PDCD6IP: variants seen among roughly 807,000 people sequenced by gnomAD.
PDCD6IP encodes the protein programmed cell death 6-interacting protein.
A neutral mutation model predicts 103.7 loss-of-function variants in PDCD6IP; 43 were observed. That is an observed-to-expected ratio of 0.41 (90% confidence interval 0.32 to 0.53). PDCD6IP has a LOEUF of 0.53. Among genes scored for constraint, PDCD6IP ranks in the 20% least tolerant of loss-of-function variants. The pLI is 0.16. For synonymous variants in PDCD6IP, 354 were observed against 378.7 expected (o/e 0.93, Z 0.76); for missense variants, 871 against 1,036.7 (o/e 0.84, Z 2.20).
chr3:33,829,674 A>G (rs539382084), intron 7 of PDCD6IP, among the ~76,000 whole-genome samples: 2 of 152,296 alleles, frequency 1.3e-5, no homozygotes, highest in African/African-American at 4.8e-5. Flanking sequence ...TAGACAGAGG[A>G]TAGAAAGATG....
Position 33,865,322 on chromosome 3 carries a change from C to T in PDCD6IP, c.2324C>T (p.Ser775Phe). ...ANRAPSATAP[S>F]PVGAGTAAPA... is the part of the protein sequence containing the mutation. ...CGAGCTCCTTCTGCTACTGCTCCAT[C>T]TCCAGTGGGGGCTGGGACTGCTGCG... The change falls in exon 17 of 18, where the codon TCT becomes TTT. Residue 775 changes from serine to phenylalanine, a missense_variant. Ser to Phe is a radical substitution (Grantham distance 155). This residue lies in a region of PDCD6IP where 202 missense variants were observed against 205.2 expected (regional missense o/e 0.98). Transcript: ENST00000307296. The T allele has an allele frequency of 6.3e-7, 1 of 1,596,066 alleles. No individual in the cohort carries two copies. Among genetic ancestry groups the T allele is most frequent in the South Asian group, 1.1e-5 (1 of 88,388 alleles).
intron 5 of PDCD6IP, among the ~76,000 whole-genome samples, chr3:33,825,938 A>G (rs558819361): frequency 6.6e-6 from 1 of 152,288 alleles, no homozygotes; most frequent in Non-Finnish European, 1.5e-5. Flanking sequence ...AAATGACAAG[A>G]AGGAGTCATC....
chr3:33,851,461 ATC>A (rs1194492962), intron 12 of PDCD6IP, among the ~76,000 whole-genome samples: 2 of 151,318 alleles, frequency 1.3e-5, no homozygotes, highest in African/African-American at 2.4e-5. Context: ...CAAGAGATAA[ATC>A]TCTGTTTTGT....
chr3:33,827,124 A>T (rs558728930), intron 6 of PDCD6IP: 2 of 985,326 alleles, frequency 2.0e-6, no homozygotes, highest in African/African-American at 1.7e-5. Flanking sequence ...CTTAAACCAC[A>T]TATCACAGGA....
intron 1 of PDCD6IP, among the ~76,000 whole-genome samples, chr3:33,805,690 A>C (rs1696580222): frequency 6.7e-6 from 1 of 148,998 alleles, no homozygotes; most frequent in South Asian, 2.1e-4. Context: ...AAGTGCTGGG[A>C]TTACAGGTGT....
chr3:33,812,040 C>A (rs777777951), intron 1 of PDCD6IP, 32 bp from the exon 2 acceptor site: 34 of 1,570,696 alleles, frequency 2.2e-5, no homozygotes, highest in Non-Finnish European at 2.9e-5. Context: ...ATATTTAGCT[C>A]TGGTAATTAT....
At position 33,828,951 on chromosome 3, in the gene PDCD6IP, A is replaced by C. The variant is rs1297395193; in HGVS notation, c.816A>C (p.Glu272Asp). 6.2e-7 allele frequency: 1 copy of C among 1,609,078 alleles called. No individual in the cohort carries two copies. The highest frequency in any genetic ancestry group is 1.3e-5 in the African/African-American group (1 of 74,700). ...CAAAACAGCAGAAGAAATTTGGAGA[A>C]GAAATTGCAAGGTTACAGGTGAGTC... ...ILAKQQKKFG[E>D]EIARLQHAAE... Residue 272 changes from glutamate (E) to aspartate (D), a missense_variant, in exon 7 of 18, where the codon GAA (glutamate) becomes GAC (aspartate). Coordinates refer to ENST00000307296, the MANE Select transcript of PDCD6IP (RefSeq NM_013374.6).
At chr3:33,865,220 T>G in intron 16 of PDCD6IP, 23 bp from the exon 17 acceptor site, 1 of 1,486,894 alleles carries the variant, frequency 6.7e-7, no homozygotes, top group Non-Finnish European at 8.9e-7. Flanking sequence ...CATTTTATAG[T>G]CAATGCTGAC....
chr3:33,864,145 A>C lies in PDCD6IP; in HGVS notation c.2244+16A>C, dbSNP rs1304535954. On this transcript the variant is annotated intron_variant, in intron 16 of 17. Transcript: ENST00000307296. ...AACCATGCCGGTTAGTAGGCAAATAAATATTTTAAACAGAGGTTTTACATT... is the reference window on the plus strand; with the variant it reads ...AACCATGCCGGTTAGTAGGCAAATACATATTTTAAACAGAGGTTTTACATT... 4.3e-6 allele frequency: 6 copies of C among 1,382,590 alleles called. No individual in the cohort carries two copies. The Admixed American group carries it at 6.9e-5, about 16-fold the overall frequency. 85.6% of individuals were successfully genotyped at this position (1,382,590 alleles called of 1,614,324 possible). A position where few individuals can be genotyped will look rare whatever the true frequency, so the allele number is the denominator to read the frequency against.
chr3:33,837,777 G>A (rs1164592408), intron 8 of PDCD6IP, among the ~76,000 whole-genome samples: 1 of 152,052 alleles, frequency 6.6e-6, no homozygotes, highest in African/African-American at 2.4e-5. Flanking sequence ...TAGTAGAGAT[G>A]GGGTTTTGCC....
intron 1 of PDCD6IP, chr3:33,799,223 C>CT (rs1360801483): frequency 5.3e-6 from 2 of 380,418 alleles, no homozygotes; most frequent in Non-Finnish European, 9.4e-6. Context: ...GTACTGATCT[C>CT]TTTTGCCACA....
At chr3:33,827,282 A>G in intron 6 of PDCD6IP, 1 of 828,172 alleles carries the variant, frequency 1.2e-6, no homozygotes, top group Non-Finnish European at 1.5e-6. Flanking sequence ...ATATGTTTCA[A>G]CTACTTCCTT....
rs1225311806 is a variant in PDCD6IP, at chr3:33,810,108, C to T, written c.210-1964C>T. On this transcript the variant is annotated intron_variant, in intron 1 of 17. Transcript: ENST00000307296. Reference sequence around the variant, plus strand: ...GACTATGTAATATCCTGTTTCATTACACACTTTTCATTATTTTATCATTTA... The same window carrying T: ...GACTATGTAATATCCTGTTTCATTATACACTTTTCATTATTTTATCATTTA... 2.0e-5 allele frequency among the ~76,000 whole-genome samples: 3 copies of T among 152,148 alleles called. No individual in the cohort carries two copies. In the East Asian group the frequency reaches 5.8e-4, roughly 29 times the overall value.
At chr3:33,858,058 C>G (rs1468420010) in intron 15 of PDCD6IP, among the ~76,000 whole-genome samples, 1 of 152,124 alleles carries the variant, frequency 6.6e-6, no homozygotes, top group Non-Finnish European at 1.5e-5. Context: ...CCCCAAAACT[C>G]TGCAAATAAT....
At chr3:33,816,373 G>A (rs1329338457) in intron 3 of PDCD6IP, among the ~76,000 whole-genome samples, 1 of 151,792 alleles carries the variant, frequency 6.6e-6, no homozygotes, top group African/African-American at 2.4e-5. Flanking sequence ...GTATAGTGGC[G>A]CACGCCTTGT....
Position 33,831,306 on chromosome 3 carries a change from C to G in PDCD6IP, c.834+2337C>G, listed in dbSNP as rs1274746170. 4.0e-5 allele frequency among the ~76,000 whole-genome samples: 6 copies of G among 151,862 alleles called. No homozygotes were observed. The East Asian group carries it at 1.2e-3, about 30-fold the overall frequency. On this transcript the variant is annotated intron_variant, in intron 7 of 17. Transcript: ENST00000307296. ...GACTACATGTCAAAGATTTATTTGA[C>G]TCATTAATGAGGGACCTAGCAAGAT...
At chr3:33,802,582 C>T (rs373876755) in intron 1 of PDCD6IP, among the ~76,000 whole-genome samples, 5 of 151,460 alleles carry the variant, frequency 3.3e-5, no homozygotes, top group African/African-American at 7.3e-5. Flanking sequence ...CTCCGCCTCT[C>T]GGGTTCAAAC....
intron 10 of PDCD6IP, 150 bp from the exon 11 acceptor site, chr3:33,843,959 AGAT>A (rs1697532351): frequency 2.0e-6 from 1 of 494,992 alleles, no homozygotes; most frequent in Admixed American, 4.1e-5. Context: ...ATTATAACTT[AGAT>A]GTCTGCAAGA....
Position 33,855,193 on chromosome 3 carries a change from G to C in PDCD6IP, c.2053G>C (p.Val685Leu). 6.2e-7 allele frequency: 1 copy of C among 1,610,656 alleles called. No individual in the cohort carries two copies. The highest frequency in any genetic ancestry group is 2.2e-5 in the East Asian group (1 of 44,760). Residue 685 changes from valine (V) to leucine (L), a missense_variant, in exon 15 of 18, where the codon GTC becomes CTC. Val to Leu is a conservative substitution (Grantham distance 32, BLOSUM62 1). Around this residue, in one of 5 missense-constraint regions of PDCD6IP, gnomAD observed 266 missense variants for 390.5 expected, o/e 0.68. Transcript: ENST00000307296. ...TTACAATGAGTTGACTGAAATCCTG[G>C]TCAGGTTCCAGAACAAATGCAGTGA... ...KFYNELTEIL[V>L]RFQNKCSDIV...
Sources: gnomAD v4.1 joint callset for allele counts (sites outside exome capture counted in the v4.1 genomes callset) on GRCh38, gnomAD v4.1.1 for gene constraint, gnomAD v4.1.1 regional missense constraint, MANE v1.5 for transcripts, NCBI Gene and HGNC (gene_info 2026-07-23, HGNC 2026-07-21) for gene names.